Variants in MLLT10 observed in about 807,000 individuals in gnomAD.
The protein encoded by MLLT10 is MLLT10 histone lysine methyltransferase DOT1L cofactor.
Under a neutral mutation model 129.1 loss-of-function variants are expected in MLLT10, and 30 were observed. The ratio of observed to expected loss-of-function variants is 0.23; its 90% CI spans 0.17 to 0.32. The LOEUF (loss-of-function observed/expected upper bound fraction) is 0.32, where lower values mean the gene tolerates loss of function less well. MLLT10 is among the 10% of genes least tolerant of loss of function. The probability of loss-of-function intolerance (pLI) is 1.00; values close to 1 mark genes in which losing one functional copy is unlikely to be tolerated. For synonymous variants in MLLT10, 490 were observed against 446.4 expected, an observed-to-expected ratio of 1.10 and a Z score of -1.23; for missense variants, 1,119 against 1,268.3, an observed-to-expected ratio of 0.88 and a Z score of 1.79.
At chr10:21,720,117 G>A (rs928159569) in intron 14 of MLLT10, among the ~76,000 whole-genome samples, 1 of 152,148 alleles carries the variant, frequency 6.6e-6, no homozygotes, top group African/African-American at 2.4e-5. Flanking sequence ...CCTGTTGTCC[G>A]ATCATGAGTG....
Position 21,741,995 on chromosome 10 carries a change from C to T in MLLT10, c.*12C>T, listed in dbSNP as rs1343017945. Reference sequence around the variant, plus strand: ...AAGAGAAAAGTTGACACCTGAGAAACATCTAGAAATTGCCTATCCTGCTGT... The same window carrying T: ...AAGAGAAAAGTTGACACCTGAGAAATATCTAGAAATTGCCTATCCTGCTGT... On this transcript the variant is annotated 3_prime_UTR_variant, in exon 23 of 23. Coordinates refer to ENST00000307729, the MANE Select transcript of MLLT10 (RefSeq NM_001195626.3). 3.7e-6 allele frequency: 6 copies of T among 1,611,820 alleles called. No individual in the cohort carries two copies. The East Asian group carries it at 1.3e-4, about 36-fold the overall frequency.
intron 8 of MLLT10, among the ~76,000 whole-genome samples, chr10:21,621,074 T>G (rs150915050): frequency 0.013 from 1,897 of 147,012 alleles, 30 homozygotes; most frequent in African/African-American, 0.045. Flanking sequence ...AAGCTCCGCC[T>G]CCGGGTTCAC....
intron 5 of MLLT10, among the ~76,000 whole-genome samples, chr10:21,608,825 C>T (rs2131180771): frequency 6.6e-6 from 1 of 152,186 alleles, no homozygotes; most frequent in Non-Finnish European, 1.5e-5. Flanking sequence ...TCCAGATTTT[C>T]CATTTGTTTG....
intron 3 of MLLT10, among the ~76,000 whole-genome samples, chr10:21,578,489 T>G (rs1197963276): frequency 6.6e-6 from 1 of 152,216 alleles, no homozygotes; most frequent in African/African-American, 2.4e-5. Flanking sequence ...TTATTTTTTC[T>G]TTTATTGCCT....
chr10:21,596,596 A>G (rs1317588236), intron 5 of MLLT10, among the ~76,000 whole-genome samples: 1 of 151,912 alleles, frequency 6.6e-6, no homozygotes, highest in East Asian at 1.9e-4. Flanking sequence ...TGTTAGGTAC[A>G]CTGTGTTACC....
chr10:21,684,418 C>A (rs2053073012), intron 13 of MLLT10, among the ~76,000 whole-genome samples: 1 of 152,198 alleles, frequency 6.6e-6, no homozygotes, highest in Admixed American at 6.5e-5. Flanking sequence ...AGCTTCATTT[C>A]CGTATGATAC....
intron 8 of MLLT10, among the ~76,000 whole-genome samples, chr10:21,640,370 GTA>G (rs1285713232): frequency 2.0e-5 from 3 of 147,556 alleles, no homozygotes; most frequent in Admixed American, 6.9e-5. Context: ...ATGTGTGTGT[GTA>G]TATATATGTA....
intron 3 of MLLT10, among the ~76,000 whole-genome samples, chr10:21,547,635 G>A (rs570829161): frequency 6.6e-6 from 1 of 151,688 alleles, no homozygotes; most frequent in Admixed American, 6.6e-5. Flanking sequence ...ATTCTCATGG[G>A]TTCAGCGATT....
intron 13 of MLLT10, chr10:21,708,504 ATT>A: frequency 1.1e-6 from 1 of 901,576 alleles, no homozygotes; most frequent in Non-Finnish European, 1.3e-6. Context: ...TCAAAGAAAG[ATT>A]TAGAATTTTA....
At position 21,721,394 on chromosome 10, in the gene MLLT10, A is replaced by G. The variant is rs536681942; in HGVS notation, c.1879-4850A>G. Among the ~76,000 whole-genome samples the G allele has an allele frequency of 2.0e-4, 30 of 152,294 alleles. 1 individual carries two copies. The highest frequency in any genetic ancestry group is 7.2e-4 in the African/African-American group (30 of 41,586). ...TTAACATTAGGCAGGAAAAAAATCT[A>G]CCAAAACAGTGTCCACTTTTAAGTT... On this transcript the variant is annotated intron_variant, in intron 14 of 22. Coordinates refer to ENST00000307729, the MANE Select transcript of MLLT10 (RefSeq NM_001195626.3).
rs368904212 is a variant in MLLT10, at chr10:21,552,127, A to G, written c.240+13215A>G. Among the ~76,000 whole-genome samples, 27 of 151,904 alleles carry G rather than the reference A, an allele frequency of 1.8e-4. 1 individual carries two copies. In the East Asian group the frequency reaches 3.7e-3, roughly 21 times the overall value. The stretch of plus-strand genomic sequence containing the variant: ...TTTTTTGTACGGATGGGGTCTCACT[A>G]TGTTGCTAGGCTGGTCTCGATCTCC... On this transcript the variant is annotated intron_variant, in intron 3 of 22. Coordinates refer to ENST00000307729, the MANE Select transcript of MLLT10 (RefSeq NM_001195626.3).
At chr10:21,614,733 C>T (rs1374737506) in intron 6 of MLLT10, 98 bp from the exon 7 acceptor site, 3 of 843,992 alleles carry the variant, frequency 3.6e-6, no homozygotes, top group Non-Finnish European at 5.3e-6. Context: ...ATGTTATTTT[C>T]TCAGAGCATG....
chr10:21,703,071 T>C (rs1239397818), intron 13 of MLLT10, among the ~76,000 whole-genome samples: 1 of 152,158 alleles, frequency 6.6e-6, no homozygotes, highest in East Asian at 1.9e-4. Context: ...TCTTACTTTG[T>C]GTATTTGCTT....
chr10:21,666,666 A>C (rs1364508354), intron 9 of MLLT10, among the ~76,000 whole-genome samples: 2 of 151,492 alleles, frequency 1.3e-5, no homozygotes, highest in African/African-American at 4.8e-5. Flanking sequence ...TGTCTCAAAA[A>C]AAAAAAATAA....
chr10:21,701,937 C>G (rs2054966089), intron 13 of MLLT10, among the ~76,000 whole-genome samples: 1 of 148,370 alleles, frequency 6.7e-6, no homozygotes. Context: ...TCTCGTCTCT[C>G]TTTTTTTTGA....
intron 3 of MLLT10, among the ~76,000 whole-genome samples, chr10:21,553,613 A>C (rs1199143042): frequency 6.6e-6 from 1 of 150,808 alleles, no homozygotes; most frequent in Non-Finnish European, 1.5e-5. Context: ...GACATGAGTC[A>C]CCACACCCAG....
chr10:21,670,388 G>A, intron 9 of MLLT10, 61 bp from the exon 10 acceptor site: 1 of 1,492,590 alleles, frequency 6.7e-7, no homozygotes, highest in Non-Finnish European at 9.0e-7. Flanking sequence ...GGCACCCATT[G>A]TTTTCTGTAA....
chr10:21,549,995 A>T (rs113488323), intron 3 of MLLT10, among the ~76,000 whole-genome samples: 2 of 152,194 alleles, frequency 1.3e-5, no homozygotes, highest in Non-Finnish European at 2.9e-5. Flanking sequence ...ACTTAGGCTT[A>T]ATTTTACTGG....
At chr10:21,612,196 C>G (rs1358311695) in intron 5 of MLLT10, 152 bp from the exon 6 acceptor site, 1 of 522,700 alleles carries the variant, frequency 1.9e-6, no homozygotes, top group African/African-American at 1.9e-5. Flanking sequence ...GTATTGTATG[C>G]AAAAATTAGA....
Sources: gnomAD v4.1 joint callset for allele counts (sites outside exome capture counted in the v4.1 genomes callset) on GRCh38, gnomAD v4.1.1 for gene constraint, MANE v1.5 for transcripts, NCBI Gene and HGNC (gene_info 2026-07-23, HGNC 2026-07-21) for gene names.